Variants in RBBP4 observed in about 807,000 individuals in gnomAD.
The protein encoded by RBBP4 is histone-binding protein RBBP4.
A neutral mutation model predicts 57.2 loss-of-function variants in RBBP4; 3 were observed. That is an observed-to-expected ratio of 0.05 (90% CI 0.02 to 0.14). The LOEUF (loss-of-function observed/expected upper bound fraction) is 0.14, where lower values mean the gene tolerates loss of function less well. RBBP4 is among the 10% of genes least tolerant of loss of function. RBBP4 has a pLI of 1.00. For missense variants in RBBP4, 107 were observed against 520.6 expected (o/e 0.21, Z 7.73); for synonymous variants, 151 against 171.5 (o/e 0.88, Z 0.93).
intron 2 of RBBP4, among the ~76,000 whole-genome samples, chr1:32,653,131 A>G (rs540733033): frequency 6.6e-6 from 1 of 152,266 alleles, no homozygotes; most frequent in East Asian, 1.9e-4. Context: ...TTGGGGCTGT[A>G]TTTGGTGCTA....
chr1:32,680,504 A>G lies in RBBP4; in HGVS notation c.*799A>G. ...TTTAAAAATTAAATTAATCCTTGAT[A>G]AGAGTTGCTTTTTTTTTTTAGGAGT... On this transcript the variant is annotated 3_prime_UTR_variant, in exon 12 of 12. Transcript: ENST00000373493. 2 of 1,541,948 alleles carry G rather than the reference A, an allele frequency of 1.3e-6. No individual in the cohort carries two copies. The highest frequency in any genetic ancestry group is 1.7e-6 in the Non-Finnish European group (2 of 1,143,956).
chr1:32,663,538 G>A (rs1255178431), intron 3 of RBBP4, among the ~76,000 whole-genome samples: 1 of 151,508 alleles, frequency 6.6e-6, no homozygotes, highest in Non-Finnish European at 1.5e-5. Context: ...CTCCCAAGCA[G>A]CTAGGACTTA....
intron 3 of RBBP4, among the ~76,000 whole-genome samples, chr1:32,665,695 A>G (rs951907371): frequency 2.7e-5 from 4 of 150,274 alleles, no homozygotes; most frequent in Non-Finnish European, 4.4e-5. Flanking sequence ...AAAAAAAAAA[A>G]GCACTATATA....
intron 5 of RBBP4, 27 bp downstream of exon 5, chr1:32,668,881 A>G (rs767318199): frequency 3.1e-5 from 50 of 1,612,918 alleles, no homozygotes; most frequent in Non-Finnish European, 3.6e-5. Context: ...TTTTGAAGCA[A>G]ATCTGGGCTA....
At position 32,682,002 on chromosome 1, in the gene RBBP4, G is replaced by A. The variant is rs545751371; in HGVS notation, c.*2297G>A. On this transcript the variant is annotated 3_prime_UTR_variant, in exon 12 of 12. Coordinates refer to ENST00000373493, the MANE Select transcript of RBBP4 (RefSeq NM_005610.3). ...CCTAGCAAATATTTGGATGCCTCCT[G>A]TTTGTCAAATAGAATGAATGGTGAT... 1.6e-5 allele frequency: 11 copies of A among 702,540 alleles called. No individual in the cohort carries two copies. In the African/African-American group the frequency reaches 1.8e-4, roughly 11 times the overall value. 43.5% of individuals were successfully genotyped at this position (702,540 alleles called of 1,614,324 possible).
Position 32,668,998 on chromosome 1 carries a change from C to A in RBBP4, c.627C>A (p.Ala209=). 1.2e-6 allele frequency: 2 copies of A among 1,614,040 alleles called. No homozygotes were observed. The highest frequency in any genetic ancestry group is 1.7e-6 in the Non-Finnish European group (2 of 1,179,996). Residue 209 remains alanine, a synonymous_variant, in exon 6 of 12, where the codon GCC becomes GCA. Coordinates refer to ENST00000373493, the MANE Select transcript of RBBP4 (RefSeq NM_005610.3). ...DHTICLWDIS[A]VPKEGKVVDA... is the part of the protein sequence containing the mutation. ...CCATCTGCCTGTGGGACATCAGTGC[C>A]GTTCCAAAGGAGGGAAAAGTGGTAG...
In RBBP4 at chr1:32,679,840, C is replaced by G. The variant is rs1160888303; in HGVS notation, c.*135C>G. The G allele has an allele frequency of 7.2e-7, 1 of 1,386,832 alleles. No individual in the cohort carries two copies. The highest frequency in any genetic ancestry group is 1.5e-5 in the African/African-American group (1 of 66,590). 85.9% of individuals were successfully genotyped at this position (1,386,832 alleles called of 1,614,324 possible). A position where few individuals can be genotyped will look rare whatever the true frequency, so the allele number is the denominator to read the frequency against. ...TAGGTACCACCGATAATGCTATTAG[C>G]CCAAACCGTGGGTGTTTTCTAAATA... is the stretch of plus-strand genomic sequence containing the variant. On this transcript the variant is annotated 3_prime_UTR_variant, in exon 12 of 12. Coordinates refer to ENST00000373493, the MANE Select transcript of RBBP4 (RefSeq NM_005610.3).
chr1:32,656,500 C>G (rs936633407), intron 2 of RBBP4, among the ~76,000 whole-genome samples: 4 of 152,068 alleles, frequency 2.6e-5, no homozygotes, highest in African/African-American at 9.7e-5. Context: ...CTACAGGCAC[C>G]GCCACCACAC....
Position 32,669,492 on chromosome 1 carries a change from G to T in RBBP4, c.895G>T (p.Ala299Ser). ...CTTTTCTTTTTGTACATAGACTGTT[G>T]CCTTGTGGGATCTGAGAAATCTGAA... ...LATGSADKTV[A>S]LWDLRNLKLK... The change falls in exon 8 of 12, where the codon GCC (alanine) becomes TCC (serine). Residue 299 changes from alanine (A) to serine (S), a missense_variant. Transcript: ENST00000373493. The surrounding 1 kb of genome is among the most constrained non-coding windows in gnomAD (Gnocchi z 4.9). The T allele has an allele frequency of 6.2e-7, 1 of 1,604,964 alleles. No individual in the cohort carries two copies. Among genetic ancestry groups the T allele is most frequent in the Non-Finnish European group, 8.5e-7 (1 of 1,177,718 alleles).
chr1:32,657,276 T>TAAAAAAAAAAA, intron 2 of RBBP4, 151 bp from the exon 3 acceptor site: 1 of 743,022 alleles, frequency 1.3e-6, no homozygotes, highest in Admixed American at 3.2e-5. Flanking sequence ...ACTCTATTTA[T>TAAAAAAAAAAA]AAAAAAAGAA....
chr1:32,683,152 C>G lies in RBBP4; in HGVS notation c.*3447C>G, dbSNP rs182453130. The G allele has an allele frequency of 4.0e-4, 61 of 150,674 alleles. No individual in the cohort carries two copies. The highest frequency in any genetic ancestry group is 3.8e-3 in the East Asian group (19 of 5,026). The allele number at this position is 150,674 out of a possible 1,614,324, so 9.3% of individuals were successfully genotyped here. ...AAAAAATTAGCCAGGCGTGGTGGTGCGTGCCTATAATCCCAGCTACTTGGG... is the reference window on the plus strand; with the variant it reads ...AAAAAATTAGCCAGGCGTGGTGGTGGGTGCCTATAATCCCAGCTACTTGGG... On this transcript the variant is annotated 3_prime_UTR_variant, in exon 12 of 12. Transcript: ENST00000373493.
chr1:32,672,920 A>G lies in RBBP4; in HGVS notation c.1212+19A>G, dbSNP rs1648936384. On this transcript the variant is annotated intron_variant, in intron 11 of 11. Coordinates refer to ENST00000373493, the MANE Select transcript of RBBP4 (RefSeq NM_005610.3). ...GCAAATGGTAAGGGTTTAGTAATTT[A>G]TTTTGGGGAGGTGAAATAAGTGAGA... 1 of 1,553,730 alleles carries G rather than the reference A, an allele frequency of 6.4e-7. No homozygotes were observed. Among genetic ancestry groups the G allele is most frequent in the Non-Finnish European group, 8.9e-7 (1 of 1,128,774 alleles).
intron 8 of RBBP4, among the ~76,000 whole-genome samples, chr1:32,672,106 C>T (rs1303212951): frequency 2.6e-5 from 4 of 152,072 alleles, no homozygotes; most frequent in Non-Finnish European, 5.9e-5. Flanking sequence ...CCTCCTGCCT[C>T]AGCCTCCCGA....
intron 3 of RBBP4, 127 bp from the exon 4 acceptor site, chr1:32,668,098 T>C: frequency 1.2e-6 from 1 of 828,122 alleles, no homozygotes; most frequent in Non-Finnish European, 1.8e-6. Context: ...AGCAAATGTA[T>C]AGATTACATC....
chr1:32,681,857 G>A lies in RBBP4; in HGVS notation c.*2152G>A. 1 of 1,614,100 alleles carries A rather than the reference G, an allele frequency of 6.2e-7. No homozygotes were observed. The highest frequency in any genetic ancestry group is 8.5e-7 in the Non-Finnish European group (1 of 1,179,974). On this transcript the variant is annotated 3_prime_UTR_variant, in exon 12 of 12. Transcript: ENST00000373493. ...AGATTTGGCCATATATTTCTAAACA[G>A]CCCCTGTAAAGTTGAAAGAAAAAGT...
At chr1:32,675,126 G>C (rs1015268812) in intron 11 of RBBP4, among the ~76,000 whole-genome samples, 2 of 151,750 alleles carry the variant, frequency 1.3e-5, no homozygotes. Flanking sequence ...CGCCTCCTGG[G>C]TTCAAGCGAT....
chr1:32,654,775 C>G (rs1418184595), intron 2 of RBBP4, among the ~76,000 whole-genome samples: 2 of 152,142 alleles, frequency 1.3e-5, no homozygotes, highest in African/African-American at 4.8e-5. Flanking sequence ...CTCACTGCAA[C>G]CTCCGCCTCC....
chr1:32,663,178 G>A (rs938231667), intron 3 of RBBP4, among the ~76,000 whole-genome samples: 3 of 152,062 alleles, frequency 2.0e-5, no homozygotes, highest in Admixed American at 1.3e-4. Context: ...TGACTGGGAA[G>A]ACACAGTTCA....
intron 3 of RBBP4, among the ~76,000 whole-genome samples, chr1:32,659,128 CAT>C (rs1019615942): frequency 2.1e-5 from 3 of 146,214 alleles, no homozygotes; most frequent in African/African-American, 7.5e-5. Flanking sequence ...TTTATATATA[CAT>C]ATAAATTTTA....
Sources: gnomAD v4.1 joint callset for allele counts (sites outside exome capture counted in the v4.1 genomes callset) on GRCh38, gnomAD v4.1.1 for gene constraint, Gnocchi (gnomAD v3.1) non-coding constraint, MANE v1.5 for transcripts, NCBI Gene and HGNC (gene_info 2026-07-23, HGNC 2026-07-21) for gene names.